Variants in CDK4 observed in about 807,000 individuals in gnomAD.
CDK4 encodes the protein cyclin dependent kinase 4, also known as cyclin-dependent kinase 4.
CDK4 carries 13 observed loss-of-function variants against 36.7 expected under a neutral mutation model. That is an observed-to-expected ratio of 0.35 (90% confidence interval 0.23 to 0.56). The LOEUF (loss-of-function observed/expected upper bound fraction) is 0.56, where lower values mean the gene tolerates loss of function less well. Among genes scored for constraint, CDK4 ranks in the 20% least tolerant of loss-of-function variants. CDK4 has a pLI of 0.85. For synonymous variants in CDK4, 158 were observed against 146.4 expected, an observed-to-expected ratio of 1.08 and a Z score of -0.57; for missense variants, 285 against 387.3, an observed-to-expected ratio of 0.74 and a Z score of 2.22.
At chr12:57,749,744 A>G in intron 5 of CDK4, 1 of 559,240 alleles carries the variant, frequency 1.8e-6, no homozygotes, top group South Asian at 2.0e-5. Context: ...CACGCCTGTA[A>G]TCCTAGCACT....
At chr12:57,748,736 C>G in intron 7 of CDK4, 119 bp from the exon 8 acceptor site, 1 of 716,168 alleles carries the variant, frequency 1.4e-6, no homozygotes, top group South Asian at 1.5e-5. Context: ...GACGGAGTCT[C>G]GCTCTATCAC....
rs1955201874 is a variant in CDK4, at chr12:57,749,269, C to G, written c.732G>C (p.Leu244=). The change falls in exon 7 of 8, where the codon CTG becomes CTC. Residue 244 remains leucine, a synonymous_variant. Transcript: ENST00000257904. ...CTCTGGGGGGAAAGGCTCCACGGGGCAGGGATACATCTCGAGGCCAGTCAT... is the reference window on the plus strand; with the variant it reads ...CTCTGGGGGGAAAGGCTCCACGGGGGAGGGATACATCTCGAGGCCAGTCAT... ...PEDDWPRDVS[L]PRGAFPPRGP... 1 of 1,614,078 alleles carries G rather than the reference C, an allele frequency of 6.2e-7. No individual in the cohort carries two copies. The highest frequency in any genetic ancestry group is 8.5e-7 in the Non-Finnish European group (1 of 1,180,014).
In CDK4 at chr12:57,749,276, A is replaced by G. The variant is rs747362286; in HGVS notation, c.725T>C (p.Val242Ala). 1.2e-6 allele frequency: 2 copies of G among 1,614,184 alleles called. No individual in the cohort carries two copies. Among genetic ancestry groups the G allele is most frequent in the East Asian group, 4.5e-5 (2 of 44,880 alleles). Residue 242 changes from valine to alanine, a missense_variant, in exon 7 of 8, where the codon GTA becomes GCA. Transcript: ENST00000257904. ...GGGAAAGGCTCCACGGGGCAGGGAT[A>G]CATCTCGAGGCCAGTCATCCTCTGG... ...LPPEDDWPRD[V>A]SLPRGAFPPR...
Position 57,750,153 on chromosome 12 carries a change from CAATAAATAAATAAATAAATAAATA to C in CDK4, c.632+479_632+502del, listed in dbSNP as rs140233512. 62 of 142,116 alleles carry C rather than the reference CAATAAATAAATAAATAAATAAATA, an allele frequency of 4.4e-4. 1 individual carries two copies. Among genetic ancestry groups the C allele is most frequent in the Non-Finnish European group, 8.1e-4 (53 of 65,604 alleles). 8.8% of individuals were successfully genotyped at this position (142,116 alleles called of 1,614,324 possible). On this transcript the variant is annotated intron_variant, in intron 5 of 7. Transcript: ENST00000257904. ...TGGGTGACAGAGTGAAACCTTATCT[CAATAAATAAATAAATAAATAAATA>C]AATAAATAAATAAATAAATAAAAAA...
chr12:57,749,404 G>A (rs1323499686), intron 6 of CDK4, 50 bp downstream of exon 6: 1 of 1,613,042 alleles, frequency 6.2e-7, no homozygotes, highest in Non-Finnish European at 8.5e-7. Context: ...GGGTTCAGCA[G>A]AAAGAGGACT....
chr12:57,747,890 G>C lies in CDK4; in HGVS notation c.*635C>G, dbSNP rs1337672390. 1.7e-5 allele frequency: 3 copies of C among 180,852 alleles called. No individual in the cohort carries two copies. The highest frequency in any genetic ancestry group is 7.1e-5 in the African/African-American group (3 of 42,078). The allele number at this position is 180,852 out of a possible 1,614,324, so 11.2% of individuals were successfully genotyped here. Reference sequence around the variant, plus strand: ...CCCAAGTAGCTGGGATTACAGGTGTGCACCACCACGCCTGACTAATTTTGT... The same window carrying C: ...CCCAAGTAGCTGGGATTACAGGTGTCCACCACCACGCCTGACTAATTTTGT... On this transcript the variant is annotated 3_prime_UTR_variant, in exon 8 of 8. Coordinates refer to ENST00000257904, the MANE Select transcript of CDK4 (RefSeq NM_000075.4).
In CDK4 at chr12:57,749,524, A is replaced by G. The variant is rs756713415; in HGVS notation, c.633-20T>C. ...AGAGGCCTAAGGTGAGAAGGGATATAAGGTAGCAGTCATTTTCAAAGATAT... is the reference window on the plus strand; with the variant it reads ...AGAGGCCTAAGGTGAGAAGGGATATGAGGTAGCAGTCATTTTCAAAGATAT... On this transcript the variant is annotated intron_variant, in intron 5 of 7. Coordinates refer to ENST00000257904, the MANE Select transcript of CDK4 (RefSeq NM_000075.4). 1.9e-6 allele frequency: 3 copies of G among 1,612,674 alleles called. No individual in the cohort carries two copies. Among genetic ancestry groups the G allele is most frequent in the Non-Finnish European group, 2.5e-6 (3 of 1,178,632 alleles).
Position 57,749,169 on chromosome 12 carries a change from CCATCT to C in CDK4, c.819+8_819+12del. 6.2e-7 allele frequency: 1 copy of C among 1,614,038 alleles called. No homozygotes were observed. Among genetic ancestry groups the C allele is most frequent in the Non-Finnish European group, 8.5e-7 (1 of 1,179,858 alleles). On this transcript the variant is annotated splice_region_variant and intron_variant, in intron 7 of 7. Transcript: ENST00000257904. ...TCTATTTCTTTCCCTGTGCCCACAG[CCATCT>C]CCAGTACCAGCAGCAGCTGTGCTCC...
intron 5 of CDK4, chr12:57,749,936 G>A (rs904152006): frequency 7.6e-5 from 20 of 261,450 alleles, no homozygotes; most frequent in Non-Finnish European, 9.0e-5. Flanking sequence ...GGTGGAGGTT[G>A]CAGTGAGCAG....
At chr12:57,748,708 CTTTTTTTTTT>C (rs545773931) in intron 7 of CDK4, 91 bp from the exon 8 acceptor site, 3 of 693,968 alleles carry the variant, frequency 4.3e-6, no homozygotes, top group African/African-American at 3.8e-5. Flanking sequence ...CTTCTTTTTT[CTTTTTTTTTT>C]TTTTTGAGAC....
rs763093891 is a variant in CDK4 at position 57,749,480 on chromosome 12, T to C, written c.657A>G (p.Glu219=). ...CAAAGATTTTGCCCAACTGGTCGGC[T>C]TCAGAGTTTCCACAGAAGAGAGGCC... The part of the protein sequence containing the change: ...RRKPLFCGNS[E]ADQLGKIFDL... The change falls in exon 6 of 8, where the codon GAA becomes GAG. Residue 219 remains glutamate, a synonymous_variant. Transcript: ENST00000257904. 1 of 1,614,204 alleles carries C rather than the reference T, an allele frequency of 6.2e-7. No individual in the cohort carries two copies.
Position 57,751,623 on chromosome 12 carries a change from A to G in CDK4, c.95T>C (p.Val32Ala), listed in dbSNP as rs1425071781. The change falls in exon 2 of 8, where the codon GTG (valine) becomes GCG (alanine). Residue 32 changes from valine to alanine, a missense_variant. Coordinates refer to ENST00000257904, the MANE Select transcript of CDK4 (RefSeq NM_000075.4). This position sits in a 1 kb window ranked among gnomAD's most constrained non-coding sequence, Gnocchi z 4.5. ...KARDPHSGHF[V>A]ALKSVRVPNG... Reference sequence around the variant, plus strand: ...GGGGACTCTCACACTCTTGAGGGCCACAAAGTGGCCACTGTGGGGATCACG... The same window carrying G: ...GGGGACTCTCACACTCTTGAGGGCCGCAAAGTGGCCACTGTGGGGATCACG... The G allele has an allele frequency of 6.2e-7, 1 of 1,614,188 alleles. No homozygotes were observed. The highest frequency in any genetic ancestry group is 8.5e-7 in the Non-Finnish European group (1 of 1,180,020).
In CDK4 at chr12:57,751,852, C is replaced by G; in HGVS notation, c.-19-116G>C. The G allele has an allele frequency of 1.4e-6, 1 of 731,904 alleles. No homozygotes were observed. Among genetic ancestry groups the G allele is most frequent in the Non-Finnish European group, 2.4e-6 (1 of 422,136 alleles). The allele number at this position is 731,904 out of a possible 1,614,324, so 45.3% of individuals were successfully genotyped here. On this transcript the variant is annotated intron_variant, in intron 1 of 7. Coordinates refer to ENST00000257904, the MANE Select transcript of CDK4 (RefSeq NM_000075.4). The surrounding 1 kb of genome is among the most constrained non-coding windows in gnomAD (Gnocchi z 4.5). ...GCAAAGAACACCACCAGCATCCCAT[C>G]CCCCGCTCCCAGTCTTCCTTGGGGC...
rs786203856 is a variant in CDK4, at chr12:57,749,283, G to A, written c.718C>T (p.Arg240Ter). 1.2e-6 allele frequency: 2 copies of A among 1,614,208 alleles called. No individual in the cohort carries two copies. The highest frequency in any genetic ancestry group is 2.2e-5 in the East Asian group (1 of 44,878). Reference protein sequence around the residue: ...IGLPPEDDWPRDVSLPRGAFP... With the variant: ...IGLPPEDDWP ...GCTCCACGGGGCAGGGATACATCTC[G>A]AGGCCAGTCATCCTCTGGAGGCAGC... Residue 240 changes from arginine (R) to a stop codon, truncating the protein, a stop_gained, in exon 7 of 8, where the codon CGA becomes TGA. Coordinates refer to ENST00000257904, the MANE Select transcript of CDK4 (RefSeq NM_000075.4). LOFTEE classifies it high-confidence loss of function.
Position 57,750,706 on chromosome 12 carries a change from A to C in CDK4, c.582T>G (p.Pro194=). ...EVLLQSTYAT[P]VDMWSVGCIF... is the part of the protein sequence containing the mutation. Reference sequence around the variant, plus strand: ...TACAGCCAACACTCCACATGTCCACAGGTGTTGCATATGTGGACTGCAGAA... The same window carrying C: ...TACAGCCAACACTCCACATGTCCACCGGTGTTGCATATGTGGACTGCAGAA... Residue 194 remains proline, a synonymous_variant, in exon 5 of 8, where the codon CCT becomes CCG. Transcript: ENST00000257904. 1 of 1,614,140 alleles carries C rather than the reference A, an allele frequency of 6.2e-7. No individual in the cohort carries two copies. Among genetic ancestry groups the C allele is most frequent in the Non-Finnish European group, 8.5e-7 (1 of 1,179,950 alleles).
At position 57,748,177 on chromosome 12, in the gene CDK4, T is replaced by G; in HGVS notation, c.*348A>C. ...GGAAAGTCCCTTCTTCCAAGTGGTT[T>G]TTCCAAATCGCACAATGGCAAAGCC... On this transcript the variant is annotated 3_prime_UTR_variant, in exon 8 of 8. Transcript: ENST00000257904. 2.8e-6 allele frequency: 1 copy of G among 351,370 alleles called. No individual in the cohort carries two copies. The highest frequency in any genetic ancestry group is 3.7e-5 in the South Asian group (1 of 26,868). The allele number at this position is 351,370 out of a possible 1,614,324, so 21.8% of individuals were successfully genotyped here. A position where few individuals can be genotyped will look rare whatever the true frequency, so the allele number is the denominator to read the frequency against.
rs1260582581 is a variant in CDK4, at chr12:57,750,691, A to G, written c.597T>C (p.Ser199=). 2 of 1,613,872 alleles carry G rather than the reference A, an allele frequency of 1.2e-6. No homozygotes were observed. Among genetic ancestry groups the G allele is most frequent in the East Asian group, 4.5e-5 (2 of 44,884 alleles). ...STYATPVDMW[S]VGCIFAEMFR... is the part of the protein sequence containing the mutation. ...ACATCTCTGCAAAGATACAGCCAAC[A>G]CTCCACATGTCCACAGGTGTTGCAT... The change falls in exon 5 of 8, where the codon AGT becomes AGC. Residue 199 remains serine (S), a synonymous_variant. Coordinates refer to ENST00000257904, the MANE Select transcript of CDK4 (RefSeq NM_000075.4).
rs1402005760 is a variant in CDK4 at position 57,749,190 on chromosome 12, G to A, written c.811C>T (p.Leu271=). 1 of 1,614,020 alleles carries A rather than the reference G, an allele frequency of 6.2e-7. No individual in the cohort carries two copies. Among genetic ancestry groups the A allele is most frequent in the Non-Finnish European group, 8.5e-7 (1 of 1,179,862 alleles). ...VPEMEESGAQ[L]LLEMLTFNPH... ...ACAGCCATCTCCAGTACCAGCAGCA[G>A]CTGTGCTCCCGACTCCTCCATCTCA... The change falls in exon 7 of 8, where the codon CTG becomes TTG. Residue 271 remains leucine, a synonymous_variant. Coordinates refer to ENST00000257904, the MANE Select transcript of CDK4 (RefSeq NM_000075.4).
rs780052789 is a variant in CDK4 at position 57,750,925 on chromosome 12, C to T, written c.520G>A (p.Val174Met). Residue 174 changes from valine to methionine, a missense_variant and splice_region_variant, in exon 4 of 8, where the codon GTG (valine) becomes ATG (methionine). Physicochemically the swap from Val to Met is conservative, Grantham distance 21. Coordinates refer to ENST00000257904, the MANE Select transcript of CDK4 (RefSeq NM_000075.4). Reference protein sequence around the residue: ...IYSYQMALTPVVVTLWYRAPE... With the variant: ...IYSYQMALTPMVVTLWYRAPE... Reference sequence around the variant, plus strand: ...TTTGGTACCATCTTTCTACTGACCACGGGTGTAAGTGCCATCTGGTAGCTG... The same window carrying T: ...TTTGGTACCATCTTTCTACTGACCATGGGTGTAAGTGCCATCTGGTAGCTG... 17 of 1,614,078 alleles carry T rather than the reference C, an allele frequency of 1.1e-5. No individual in the cohort carries two copies. Among genetic ancestry groups the T allele is most frequent in the Non-Finnish European group, 1.3e-5 (15 of 1,180,046 alleles).
Sources: gnomAD v4.1 joint callset for allele counts on GRCh38, gnomAD v4.1.1 for gene constraint, Gnocchi (gnomAD v3.1) non-coding constraint, MANE v1.5 for transcripts, NCBI Gene and HGNC (gene_info 2026-07-23, HGNC 2026-07-21) for gene names.